Variants in CLIP1 observed in about 807,000 individuals in gnomAD.
CLIP1 encodes the protein CAP-Gly domain containing linker protein 1, also known as CAP-Gly domain-containing linker protein 1.
A neutral mutation model predicts 161.6 loss-of-function variants in CLIP1; 66 were observed. The observed-to-expected ratio is 0.41, with a 90% CI of 0.33 to 0.50. The LOEUF (loss-of-function observed/expected upper bound fraction) is 0.50, where lower values mean the gene tolerates loss of function less well. Ranked by LOEUF, CLIP1 falls within the 20% of genes least tolerant of loss-of-function variation. The pLI, the probability that CLIP1 is intolerant of heterozygous loss-of-function variation, is 0.27. For synonymous variants in CLIP1, 598 were observed against 626.2 expected (o/e 0.96, Z 0.67); for missense variants, 1,376 against 1,702.0 (o/e 0.81, Z 3.37).
At chr12:122,404,226 C>T (rs1324236718) in intron 1 of CLIP1, among the ~76,000 whole-genome samples, 4 of 152,120 alleles carry the variant, frequency 2.6e-5, no homozygotes, top group Admixed American at 6.6e-5. Flanking sequence ...CACTAACAAG[C>T]GAGATTCACT....
chr12:122,276,115 T>C (rs565805445), intron 24 of CLIP1, among the ~76,000 whole-genome samples: 5 of 152,294 alleles, frequency 3.3e-5, no homozygotes, highest in African/African-American at 4.8e-5. Context: ...AAAATATATA[T>C]AGATATACAC....
intron 10 of CLIP1, among the ~76,000 whole-genome samples, chr12:122,346,164 G>C (rs1331730044): frequency 1.3e-5 from 2 of 152,088 alleles, no homozygotes; most frequent in Non-Finnish European, 2.9e-5. Context: ...ACAGACTCTG[G>C]GGCCAAATGT....
At chr12:122,329,910 G>C (rs1951868856) in intron 15 of CLIP1, among the ~76,000 whole-genome samples, 1 of 152,134 alleles carries the variant, frequency 6.6e-6, no homozygotes, top group South Asian at 2.1e-4. Context: ...CTGAGGTCAG[G>C]AGTTCGAGAC....
intron 1 of CLIP1, among the ~76,000 whole-genome samples, chr12:122,394,801 C>T (rs899952395): frequency 3.3e-5 from 5 of 151,910 alleles, no homozygotes; most frequent in Admixed American, 1.3e-4. Flanking sequence ...TGCAGTGAGC[C>T]GAGATTGCAT....
chr12:122,356,980 G>T (rs1395147120), intron 5 of CLIP1, among the ~76,000 whole-genome samples: 1 of 152,178 alleles, frequency 6.6e-6, no homozygotes, highest in Non-Finnish European at 1.5e-5. Context: ...CGTGATCTCG[G>T]CTCGCTACAA....
chr12:122,409,353 T>C (rs1271504429), intron 1 of CLIP1, among the ~76,000 whole-genome samples: 2 of 151,622 alleles, frequency 1.3e-5, no homozygotes, highest in African/African-American at 4.8e-5. Flanking sequence ...CTCAAACTCC[T>C]GGCCTCAAGT....
At chr12:122,277,603 T>C (rs1955482635) in intron 24 of CLIP1, 1 of 152,228 alleles carries the variant, frequency 6.6e-6, no homozygotes. Context: ...ACAGAGCAAT[T>C]CTACTTCTAG....
chr12:122,382,490 G>GAGAC (rs1257187302), intron 1 of CLIP1, among the ~76,000 whole-genome samples: 1 of 150,828 alleles, frequency 6.6e-6, no homozygotes, highest in Non-Finnish European at 1.5e-5. Context: ...GCAACTGAGC[G>GAGAC]AGACACCACC....
chr12:122,324,393 A>G (rs977851728), intron 17 of CLIP1: 2 of 152,416 alleles, frequency 1.3e-5, no homozygotes, highest in Non-Finnish European at 2.9e-5. Flanking sequence ...TACAGAAACA[A>G]AAGATGGAAA....
At chr12:122,291,920 G>T (rs1237483447) in intron 20 of CLIP1, among the ~76,000 whole-genome samples, 1 of 152,128 alleles carries the variant, frequency 6.6e-6, no homozygotes, top group Non-Finnish European at 1.5e-5. Context: ...TATGATGATT[G>T]TATGACTCTG....
At chr12:122,283,607 C>T (rs2136252115) in intron 21 of CLIP1, among the ~76,000 whole-genome samples, 1 of 151,954 alleles carries the variant, frequency 6.6e-6, no homozygotes, top group South Asian at 2.1e-4. Flanking sequence ...TCCAGGCACC[C>T]GCCACCACAC....
Position 122,380,373 on chromosome 12 carries a change from G to C in CLIP1, c.80C>G (p.Thr27Arg). 1.2e-6 allele frequency: 2 copies of C among 1,610,732 alleles called. No individual in the cohort carries two copies. The highest frequency in any genetic ancestry group is 1.7e-4 in the Middle Eastern group (1 of 6,048). The change falls in exon 2 of 26, where the codon ACG (threonine) becomes AGG (arginine). Residue 27 changes from threonine to arginine, a missense_variant. Transcript: ENST00000620786. The part of the protein sequence containing the change: ...KPGSTALKTP[T>R]AVVAPVEKTI... ...GGAAAAGCGTAAAGTATTACCAGCC[G>C]TAGGTGTCTTCAGAGCTGTGCTTCC...
At position 122,355,887 on chromosome 12, in the gene CLIP1, T is replaced by C. The variant is rs1204547629; in HGVS notation, c.1006-575A>G. ...GTGAGCCACCGCGCCAAAGGCCATC[T>C]GCTCAGCCACTGCTGGCTCCAGATC... On this transcript the variant is annotated intron_variant, in intron 5 of 25. Transcript: ENST00000620786. The surrounding 1 kb of genome is among the most constrained non-coding windows in gnomAD (Gnocchi z 4.1). The C allele has an allele frequency of 6.6e-6, 1 of 152,538 alleles. No homozygotes were observed. The highest frequency in any genetic ancestry group is 1.9e-4 in the East Asian group (1 of 5,198). 9.4% of individuals were successfully genotyped at this position (152,538 alleles called of 1,614,324 possible). A position where few individuals can be genotyped will look rare whatever the true frequency, so the allele number is the denominator to read the frequency against.
chr12:122,313,715 T>C (rs1951153672), intron 19 of CLIP1, among the ~76,000 whole-genome samples: 1 of 151,874 alleles, frequency 6.6e-6, no homozygotes, highest in Non-Finnish European at 1.5e-5. Context: ...AAAACTCCAT[T>C]TCAAAACAAC....
In CLIP1 at chr12:122,366,483, A is replaced by C. The variant is rs562957015; in HGVS notation, c.658-2376T>G. Among the ~76,000 whole-genome samples, 63 of 152,144 alleles carry C rather than the reference A, an allele frequency of 4.1e-4. No homozygotes were observed. The South Asian group carries it at 7.9e-3, about 19-fold the overall frequency. Reference sequence around the variant, plus strand: ...CAATAGAACAAGAAACTGTTTCAAAAAATAATAATTGACTCTTGCTATTTT... The same window carrying C: ...CAATAGAACAAGAAACTGTTTCAAACAATAATAATTGACTCTTGCTATTTT... On this transcript the variant is annotated intron_variant, in intron 3 of 25. Coordinates refer to ENST00000620786, the MANE Select transcript of CLIP1 (RefSeq NM_001247997.2).
intron 1 of CLIP1, among the ~76,000 whole-genome samples, chr12:122,384,265 T>C (rs1955137794): frequency 1.3e-5 from 2 of 152,094 alleles, no homozygotes; most frequent in Non-Finnish European, 2.9e-5. Context: ...ATAGCACTCA[T>C]CAAGATGAAA....
chr12:122,357,948 C>T (rs1338454859), intron 5 of CLIP1, among the ~76,000 whole-genome samples: 1 of 152,028 alleles, frequency 6.6e-6, no homozygotes, highest in Non-Finnish European at 1.5e-5. Flanking sequence ...TACCCAACAG[C>T]TCATTGAGAA....
intron 20 of CLIP1, among the ~76,000 whole-genome samples, chr12:122,298,548 G>T (rs1199418457): frequency 4.8e-5 from 7 of 145,974 alleles, no homozygotes; most frequent in African/African-American, 1.8e-4. Flanking sequence ...AGGTTGCTGA[G>T]ATTATGCCAT....
At chr12:122,334,547 T>A in intron 13 of CLIP1, 101 bp downstream of exon 13, 1 of 772,016 alleles carries the variant, frequency 1.3e-6, no homozygotes, top group South Asian at 1.7e-5. Context: ...AGAGTGAAAT[T>A]AGGCTACGAG....
Sources: gnomAD v4.1 joint callset for allele counts (sites outside exome capture counted in the v4.1 genomes callset) on GRCh38, gnomAD v4.1.1 for gene constraint, Gnocchi (gnomAD v3.1) non-coding constraint, MANE v1.5 for transcripts, NCBI Gene and HGNC (gene_info 2026-07-23, HGNC 2026-07-21) for gene names.